Variants in LAMA2 observed in about 807,000 individuals in gnomAD.
LAMA2 encodes laminin subunit alpha 2.
A neutral mutation model predicts 364.8 loss-of-function variants in LAMA2; 269 were observed. That is an observed-to-expected ratio of 0.74 (90% CI 0.67 to 0.82). The LOEUF is 0.82. Ranked by LOEUF, LAMA2 falls within the 40% of genes least tolerant of loss-of-function variation. The pLI is 0.00. For synonymous variants in LAMA2, 1,379 were observed against 1,370.6 expected (o/e 1.01, Z -0.14); for missense variants, 3,807 against 3,873.2 (o/e 0.98, Z 0.45).
At chr6:129,503,405 A>C in intron 60 of LAMA2, 125 bp downstream of exon 60, 1 of 854,102 alleles carries the variant, frequency 1.2e-6, no homozygotes, top group Non-Finnish European at 1.9e-6. Flanking sequence ...TAAAAATAAA[A>C]TAAGTGCCAT....
chr6:128,956,683 T>G (rs1781168485), intron 1 of LAMA2, among the ~76,000 whole-genome samples: 1 of 152,124 alleles, frequency 6.6e-6, no homozygotes, highest in Non-Finnish European at 1.5e-5. Flanking sequence ...CTTTTCCTAT[T>G]GTTCTCTGTC....
intron 3 of LAMA2, among the ~76,000 whole-genome samples, chr6:129,096,232 T>G (rs1775179737): frequency 6.6e-6 from 1 of 152,200 alleles, no homozygotes; most frequent in African/African-American, 2.4e-5. Flanking sequence ...GCAAATATCT[T>G]TTATAGTGGT....
chr6:128,909,971 C>G (rs1482401307), intron 1 of LAMA2, among the ~76,000 whole-genome samples: 1 of 151,944 alleles, frequency 6.6e-6, no homozygotes, highest in Non-Finnish European at 1.5e-5. Flanking sequence ...GGCCCCCACT[C>G]TCTTCTGGCT....
At chr6:129,022,206 A>T (rs1785489523) in intron 1 of LAMA2, among the ~76,000 whole-genome samples, 1 of 152,230 alleles carries the variant, frequency 6.6e-6, no homozygotes, top group Non-Finnish European at 1.5e-5. Context: ...AATAAAATTT[A>T]TAAGCCCAAC....
intron 1 of LAMA2, among the ~76,000 whole-genome samples, chr6:128,894,816 C>T (rs1302134144): frequency 2.0e-5 from 3 of 152,176 alleles, no homozygotes; most frequent in Non-Finnish European, 4.4e-5. Flanking sequence ...GCTAATGTAC[C>T]ATCAGTGTTT....
chr6:129,475,736 G>A (rs962656411), intron 53 of LAMA2, among the ~76,000 whole-genome samples: 2 of 152,056 alleles, frequency 1.3e-5, no homozygotes, highest in African/African-American at 4.8e-5. Context: ...CTGGTACACA[G>A]TCTAGTTCTG....
intron 40 of LAMA2, among the ~76,000 whole-genome samples, chr6:129,410,865 A>G (rs139872209): frequency 2.0e-5 from 3 of 152,344 alleles, no homozygotes; most frequent in East Asian, 3.9e-4. Context: ...GATCCATGAT[A>G]TAGTTCACTT....
chr6:128,987,941 C>T (rs1003896614), intron 1 of LAMA2, among the ~76,000 whole-genome samples: 2 of 152,176 alleles, frequency 1.3e-5, no homozygotes, highest in African/African-American at 4.8e-5. Flanking sequence ...GTGGCGAGAT[C>T]TCTGCTCACT....
At chr6:128,948,679 C>T (rs1198073907) in intron 1 of LAMA2, among the ~76,000 whole-genome samples, 1 of 152,162 alleles carries the variant, frequency 6.6e-6, no homozygotes, top group Non-Finnish European at 1.5e-5. Context: ...GGACAGATCC[C>T]TCATGAATGG....
intron 2 of LAMA2, among the ~76,000 whole-genome samples, chr6:129,056,990 C>T (rs1158573505): frequency 6.6e-6 from 1 of 152,014 alleles, no homozygotes; most frequent in Non-Finnish European, 1.5e-5. Flanking sequence ...ACCTCAGCCT[C>T]CCAAAGTGCT....
At chr6:129,223,059 A>T (rs1160686978) in intron 12 of LAMA2, among the ~76,000 whole-genome samples, 1 of 151,844 alleles carries the variant, frequency 6.6e-6, no homozygotes, top group Non-Finnish European at 1.5e-5. Context: ...ATGGTATCTC[A>T]TTGTGGTTTT....
intron 12 of LAMA2, among the ~76,000 whole-genome samples, chr6:129,208,243 C>T (rs1185549871): frequency 1.3e-5 from 2 of 152,160 alleles, no homozygotes; most frequent in African/African-American, 4.8e-5. Flanking sequence ...TCTTCTGTGA[C>T]ACTGTTTCTT....
intron 1 of LAMA2, chr6:128,929,840 G>A (rs1779344469): frequency 2.0e-6 from 2 of 1,025,210 alleles, no homozygotes; most frequent in Middle Eastern, 3.0e-4. Flanking sequence ...TCCCTTGTAA[G>A]TGAAAAACTT....
chr6:128,996,351 G>A (rs911060749), intron 1 of LAMA2, among the ~76,000 whole-genome samples: 6 of 152,118 alleles, frequency 3.9e-5, no homozygotes, highest in Admixed American at 1.3e-4. Context: ...GCAACCTACA[G>A]AATGGGAGAA....
chr6:129,356,430 A>C (rs1010836849), intron 32 of LAMA2, among the ~76,000 whole-genome samples: 2 of 152,124 alleles, frequency 1.3e-5, no homozygotes, highest in African/African-American at 4.8e-5. Flanking sequence ...ACCATTTGCC[A>C]GGCACTATAT....
rs568057513 is a variant in LAMA2 at position 129,192,864 on chromosome 6, G to A, written c.1782+11G>A. 8 of 1,612,660 alleles carry A rather than the reference G, an allele frequency of 5.0e-6. No individual in the cohort carries two copies. The African/African-American group carries it at 8.0e-5, about 16-fold the overall frequency. ...TATCTGGGAAACAAAGTAAGTCCAC[G>A]CTTGCTTCCCGCTATTCTGCTTTAA... On this transcript the variant is annotated intron_variant, in intron 12 of 64. Transcript: ENST00000421865.
intron 31 of LAMA2, 74 bp downstream of exon 31, chr6:129,349,458 A>T: frequency 8.5e-7 from 1 of 1,182,482 alleles, no homozygotes; most frequent in Admixed American, 1.7e-5. Flanking sequence ...ATAGGAAAAC[A>T]TTCATTATTT....
chr6:129,231,862 A>G (rs1784687596), intron 12 of LAMA2, among the ~76,000 whole-genome samples: 1 of 152,116 alleles, frequency 6.6e-6, no homozygotes, highest in African/African-American at 2.4e-5. Flanking sequence ...CTTGAAGAAA[A>G]TGTCCAGCTT....
chr6:129,442,102 TG>T (rs1035228771), intron 43 of LAMA2: 40 of 689,338 alleles, frequency 5.8e-5, no homozygotes, highest in Admixed American at 9.7e-5. Flanking sequence ...CCAACATTTT[TG>T]GGGGGGTATC....
Sources: gnomAD v4.1 joint callset for allele counts (sites outside exome capture counted in the v4.1 genomes callset) on GRCh38, gnomAD v4.1.1 for gene constraint, MANE v1.5 for transcripts, NCBI Gene and HGNC (gene_info 2026-07-23, HGNC 2026-07-21) for gene names.